Variants in DGKB observed in about 807,000 individuals in gnomAD.
DGKB encodes 90 kDa diacylglycerol kinase.
Under a neutral mutation model 114.3 loss-of-function variants are expected in DGKB, and 67 were observed. The observed-to-expected ratio is 0.59, with a 90% CI of 0.48 to 0.72. The LOEUF is 0.72. Ranked by LOEUF, DGKB falls within the 30% of genes least tolerant of loss-of-function variation. The pLI is 0.00. For missense variants in DGKB, 907 were observed against 975.2 expected, an observed-to-expected ratio of 0.93 and a Z score of 0.93; for synonymous variants, 398 against 323.1, an observed-to-expected ratio of 1.23 and a Z score of -2.49.
chr7:14,890,779 CT>C (rs1259136990), intron 1 of DGKB, among the ~76,000 whole-genome samples: 3 of 150,862 alleles, frequency 2.0e-5, no homozygotes, highest in Non-Finnish European at 4.4e-5. Flanking sequence ...CATGCTTGTT[CT>C]TGTCAGACAC....
At chr7:14,701,091 A>C (rs954701827) in intron 7 of DGKB, among the ~76,000 whole-genome samples, 13 of 138,430 alleles carry the variant, frequency 9.4e-5, no homozygotes, top group Non-Finnish European at 1.3e-4. Context: ...TCAGTTAATC[A>C]TATAAAGATG....
chr7:14,809,233 T>C (rs1843124669), intron 2 of DGKB, among the ~76,000 whole-genome samples: 1 of 152,150 alleles, frequency 6.6e-6, no homozygotes, highest in Non-Finnish European at 1.5e-5. Context: ...GTATTTTATA[T>C]GTACAGACTG....
chr7:14,951,953 C>A (rs1186265552), intron 1 of DGKB, among the ~76,000 whole-genome samples: 1 of 151,814 alleles, frequency 6.6e-6, no homozygotes, highest in Non-Finnish European at 1.5e-5. Flanking sequence ...TTAGAGTGTC[C>A]CCCTACCCCA....
At chr7:14,827,442 CACAG>C (rs535322245) in intron 2 of DGKB, among the ~76,000 whole-genome samples, 243 of 151,876 alleles carry the variant, frequency 1.6e-3, no homozygotes, top group African/African-American at 5.4e-3. Context: ...GAGAGACAGA[CACAG>C]ACAGACAGAC....
At chr7:14,718,471 A>T in intron 6 of DGKB, 71 bp downstream of exon 6, 1 of 1,382,104 alleles carries the variant, frequency 7.2e-7, no homozygotes, top group Non-Finnish European at 9.7e-7. Context: ...ATGCAATTTT[A>T]AGTTAATCAA....
At chr7:14,557,909 GTTGA>G (rs1038791726) in intron 20 of DGKB, among the ~76,000 whole-genome samples, 7 of 151,424 alleles carry the variant, frequency 4.6e-5, no homozygotes, top group South Asian at 2.1e-4. Flanking sequence ...TGCAACATTG[GTTGA>G]TTATTTTATC....
intron 23 of DGKB, among the ~76,000 whole-genome samples, chr7:14,299,795 A>T (rs543461022): frequency 1.2e-4 from 19 of 152,204 alleles, no homozygotes; most frequent in African/African-American, 4.3e-4. Flanking sequence ...ACATCCCTGT[A>T]AGGCGTGCCC....
chr7:14,704,725 G>C (rs923868601), intron 6 of DGKB, among the ~76,000 whole-genome samples: 1 of 152,184 alleles, frequency 6.6e-6, no homozygotes, highest in East Asian at 1.9e-4. Context: ...ACCTCACACG[G>C]CAGGGTATTC....
intron 23 of DGKB, among the ~76,000 whole-genome samples, chr7:14,261,393 G>C (rs1334775304): frequency 1.3e-5 from 2 of 151,986 alleles, no homozygotes; most frequent in African/African-American, 2.4e-5. Context: ...CCTAAGTGTT[G>C]GCATAGATCA....
At chr7:14,372,695 C>T (rs1391695875) in intron 21 of DGKB, among the ~76,000 whole-genome samples, 2 of 151,850 alleles carry the variant, frequency 1.3e-5, no homozygotes, top group African/African-American at 4.8e-5. Context: ...ATTTATTAAT[C>T]TATACTCTTA....
chr7:14,947,464 T>C (rs1785946992), intron 1 of DGKB, among the ~76,000 whole-genome samples: 1 of 151,724 alleles, frequency 6.6e-6, no homozygotes, highest in Admixed American at 6.6e-5. Flanking sequence ...TACATAGAAA[T>C]TATACATATC....
chr7:14,286,117 C>G (rs755187491), intron 23 of DGKB, among the ~76,000 whole-genome samples: 1 of 152,060 alleles, frequency 6.6e-6, no homozygotes, highest in Non-Finnish European at 1.5e-5. Flanking sequence ...CAGTGTACAA[C>G]CAAGCATTCT....
intron 23 of DGKB, among the ~76,000 whole-genome samples, chr7:14,249,332 G>C (rs1794904906): frequency 6.6e-6 from 1 of 152,126 alleles, no homozygotes; most frequent in Admixed American, 6.6e-5. Flanking sequence ...ATCTGGCTTT[G>C]TTGTCAGTGT....
chr7:14,423,644 A>G (rs923018993), intron 21 of DGKB, among the ~76,000 whole-genome samples: 2 of 152,134 alleles, frequency 1.3e-5, no homozygotes, highest in Non-Finnish European at 2.9e-5. Flanking sequence ...GTGATTCAGT[A>G]TAAAGTTGGA....
chr7:14,837,292 C>A (rs10241170), intron 2 of DGKB, among the ~76,000 whole-genome samples: 14,299 of 152,042 alleles, frequency 0.094, 1,180 homozygotes, highest in East Asian at 0.29. Flanking sequence ...TTTAGGAGAA[C>A]AATCATAGTT....
At chr7:14,184,864 G>C (rs1783167699) in intron 23 of DGKB, among the ~76,000 whole-genome samples, 1 of 152,092 alleles carries the variant, frequency 6.6e-6, no homozygotes, top group African/African-American at 2.4e-5. Flanking sequence ...CGGTATGCAA[G>C]GGACATACCT....
At chr7:14,443,784 T>C (rs976096737) in intron 21 of DGKB, among the ~76,000 whole-genome samples, 7 of 152,170 alleles carry the variant, frequency 4.6e-5, no homozygotes, top group Admixed American at 3.3e-4. Context: ...GTGGTGTGAT[T>C]CTGCATAGGA....
chr7:14,428,251 T>G (rs979266368), intron 21 of DGKB, among the ~76,000 whole-genome samples: 1 of 152,112 alleles, frequency 6.6e-6, no homozygotes, highest in Admixed American at 6.6e-5. Flanking sequence ...TTATCAGTTC[T>G]GTTCTCTGAG....
chr7:14,523,973 C>T lies in DGKB; in HGVS notation c.1771-45748G>A, dbSNP rs1022194422. ...GAGAACACCAATCTGACCTATAGAC[C>T]AGTGCTAATACTGCTCATTGCTGTG... On this transcript the variant is annotated intron_variant, in intron 20 of 25. Coordinates refer to ENST00000402815, the MANE Select transcript of DGKB (RefSeq NM_001350709.2). Among the ~76,000 whole-genome samples the T allele has an allele frequency of 6.6e-5, 10 of 152,192 alleles. No individual in the cohort carries two copies. The South Asian group carries it at 1.9e-3, about 28-fold the overall frequency.
Sources: allele counts gnomAD v4.1 joint callset (sites outside exome capture counted in the v4.1 genomes callset), GRCh38; gene constraint gnomAD v4.1.1; transcripts MANE v1.5; gene names NCBI Gene and HGNC (gene_info 2026-07-23, HGNC 2026-07-21).